The following NR5A2 variants were observed in gnomAD, a reference collection of about 807,000 sequenced individuals.
The protein encoded by NR5A2 is CYP7A promoter-binding factor.
A neutral mutation model predicts 62.7 loss-of-function variants in NR5A2; 26 were observed. The ratio of observed to expected loss-of-function variants is 0.41; its 90% CI spans 0.30 to 0.58. The LOEUF is 0.58. Ranked by LOEUF, NR5A2 falls within the 20% of genes least tolerant of loss-of-function variation. The pLI, the probability that NR5A2 is intolerant of heterozygous loss-of-function variation, is 0.22. For synonymous variants in NR5A2, 246 were observed against 241.7 expected (o/e 1.02, Z -0.16); for missense variants, 541 against 669.1 (o/e 0.81, Z 2.11).
At chr1:200,115,149 T>C (rs1159128192) in intron 6 of NR5A2, among the ~76,000 whole-genome samples, 1 of 152,240 alleles carries the variant, frequency 6.6e-6, no homozygotes, top group Non-Finnish European at 1.5e-5. Flanking sequence ...TTTAATGTGA[T>C]TGTTGCTTAG....
rs140408927 is a variant in NR5A2, at chr1:200,141,031, T to TAAAC, written c.1378+20096_1378+20099dup. 6.6e-5 allele frequency among the ~76,000 whole-genome samples: 10 copies of TAAAC among 151,260 alleles called. No individual in the cohort carries two copies. In the East Asian group the frequency reaches 7.8e-4, roughly 12 times the overall value. ...GGGCAACAAGAGATAACTCCATCTC[T>TAAAC]AAACAAACAAACAAACAAACAAAAC... On this transcript the variant is annotated intron_variant, in intron 7 of 7. Transcript: ENST00000367362.
Position 200,039,826 on chromosome 1 carries a change from C to A in NR5A2, c.202+31C>A. On this transcript the variant is annotated intron_variant, in intron 2 of 7. Coordinates refer to ENST00000367362, the MANE Select transcript of NR5A2 (RefSeq NM_205860.3). This position sits in a 1 kb window ranked among gnomAD's most constrained non-coding sequence, Gnocchi z 5.1. ...GAGGCGCCGCGCGGCGCTCCGGCTC[C>A]CGCTGCTTCCCCACCCCCGGGCTCG... 6.3e-7 allele frequency: 1 copy of A among 1,583,682 alleles called. No homozygotes were observed.
At chr1:200,104,245 CTAGGGCGTTTTACTGGCTCT>C (rs1049784259) in intron 5 of NR5A2, among the ~76,000 whole-genome samples, 1 of 152,188 alleles carries the variant, frequency 6.6e-6, no homozygotes, top group African/African-American at 2.4e-5. Context: ...CAACAATTGA[CTAGGGCGTTTTACTGGCTCT>C]TAGTTCTCTT....
chr1:200,062,701 G>T (rs114892534), intron 5 of NR5A2, among the ~76,000 whole-genome samples: 1 of 152,106 alleles, frequency 6.6e-6, no homozygotes, highest in Non-Finnish European at 1.5e-5. Context: ...AATGTAACTC[G>T]CAGAGCTGAT....
chr1:200,047,063 A>G (rs1171789143), intron 4 of NR5A2, among the ~76,000 whole-genome samples: 1 of 152,228 alleles, frequency 6.6e-6, no homozygotes, highest in African/African-American at 2.4e-5. Context: ...TCCAAGATAA[A>G]AAGCTCAAAA....
chr1:200,038,090 A>G (rs1661861021), intron 1 of NR5A2, among the ~76,000 whole-genome samples: 1 of 152,260 alleles, frequency 6.6e-6, no homozygotes, highest in African/African-American at 2.4e-5. Context: ...GGCTGGAAAG[A>G]ATGTTTTTCA....
At chr1:200,053,282 G>T (rs1006964873) in intron 5 of NR5A2, among the ~76,000 whole-genome samples, 1 of 152,034 alleles carries the variant, frequency 6.6e-6, no homozygotes, top group African/African-American at 2.4e-5. Flanking sequence ...CAAAATAATG[G>T]CTTGAGAAAG....
chr1:200,158,119 C>CA (rs1338976034), intron 7 of NR5A2, among the ~76,000 whole-genome samples: 4 of 152,272 alleles, frequency 2.6e-5, no homozygotes, highest in African/African-American at 9.6e-5. Context: ...AACTTGGCAA[C>CA]AAAAAGCTCA....
At chr1:200,059,518 G>A (rs983902204) in intron 5 of NR5A2, among the ~76,000 whole-genome samples, 1 of 152,140 alleles carries the variant, frequency 6.6e-6, no homozygotes, top group South Asian at 2.1e-4. Flanking sequence ...AGATCTTATG[G>A]AAAGGCTGCC....
chr1:200,173,110 G>A (rs1654257118), intron 7 of NR5A2, among the ~76,000 whole-genome samples: 1 of 152,082 alleles, frequency 6.6e-6, no homozygotes, highest in African/African-American at 2.4e-5. Flanking sequence ...TTTTATTCTG[G>A]CTTTCTCTCT....
intron 7 of NR5A2, among the ~76,000 whole-genome samples, chr1:200,151,482 GC>G (rs565139623): frequency 1.3e-5 from 2 of 152,310 alleles, no homozygotes; most frequent in African/African-American, 4.8e-5. Context: ...CAAGTAAAGA[GC>G]CCCCCGCTGC....
intron 5 of NR5A2, among the ~76,000 whole-genome samples, chr1:200,069,494 T>A (rs924336139): frequency 6.6e-6 from 1 of 152,134 alleles, no homozygotes; most frequent in Non-Finnish European, 1.5e-5. Flanking sequence ...CCTCAAATGA[T>A]CCACCCACCT....
intron 6 of NR5A2, among the ~76,000 whole-genome samples, chr1:200,111,556 A>C (rs1665958729): frequency 6.6e-6 from 1 of 152,172 alleles, no homozygotes; most frequent in Admixed American, 6.5e-5. Flanking sequence ...CTGGGACTGA[A>C]AGTCCTGCTT....
In NR5A2 at chr1:200,027,785, C is replaced by T; in HGVS notation, c.-63C>T. 3 of 1,240,772 alleles carry T rather than the reference C, an allele frequency of 2.4e-6. No homozygotes were observed. The South Asian group carries it at 4.1e-5, about 17-fold the overall frequency. The allele number at this position is 1,240,772 out of a possible 1,614,324, so 76.9% of individuals were successfully genotyped here. A position where few individuals can be genotyped will look rare whatever the true frequency, so the allele number is the denominator to read the frequency against. ...CAAGGCCACGAAATTTGACAAGCTG[C>T]ACTTTTCTTTTGCTCAATGATTTCT... is the stretch of plus-strand genomic sequence containing the variant. On this transcript the variant is annotated 5_prime_UTR_variant, in exon 1 of 8. Transcript: ENST00000367362.
intron 7 of NR5A2, among the ~76,000 whole-genome samples, chr1:200,130,870 GTTC>G (rs1292603196): frequency 6.6e-6 from 1 of 152,166 alleles, no homozygotes; most frequent in African/African-American, 2.4e-5. Context: ...TGGTTAAATT[GTTC>G]TTCATGAAGT....
intron 5 of NR5A2, among the ~76,000 whole-genome samples, chr1:200,086,356 T>A (rs1196276231): frequency 6.6e-6 from 1 of 152,012 alleles, no homozygotes; most frequent in Non-Finnish European, 1.5e-5. Context: ...CAGGCTGGAG[T>A]GCAGTGGCAC....
At chr1:200,142,361 G>C (rs755348635) in intron 7 of NR5A2, among the ~76,000 whole-genome samples, 17 of 151,214 alleles carry the variant, frequency 1.1e-4, no homozygotes, top group Non-Finnish European at 1.5e-5. Flanking sequence ...CACCACGCCC[G>C]GCTAATTTTT....
Position 200,177,407 on chromosome 1 carries a change from G to A in NR5A2, c.*3197G>A, listed in dbSNP as rs1201444008. The A allele has an allele frequency of 6.6e-6, 1 of 152,328 alleles. No homozygotes were observed. Among genetic ancestry groups the A allele is most frequent in the South Asian group, 2.1e-4 (1 of 4,818 alleles). The allele number at this position is 152,328 out of a possible 1,614,324, so 9.4% of individuals were successfully genotyped here. A position where few individuals can be genotyped will look rare whatever the true frequency, so the allele number is the denominator to read the frequency against. On this transcript the variant is annotated 3_prime_UTR_variant, in exon 8 of 8. Coordinates refer to ENST00000367362, the MANE Select transcript of NR5A2 (RefSeq NM_205860.3). Reference sequence around the variant, plus strand: ...ATTTCAATAAATATTGATATGCCCAGCCTGATAATTTTTAAAAGTTTTTAT... The same window carrying A: ...ATTTCAATAAATATTGATATGCCCAACCTGATAATTTTTAAAAGTTTTTAT...
chr1:200,068,623 ATC>A (rs1663607291), intron 5 of NR5A2, among the ~76,000 whole-genome samples: 1 of 152,104 alleles, frequency 6.6e-6, no homozygotes, highest in Non-Finnish European at 1.5e-5. Context: ...GACCACAAAA[ATC>A]TCTTTCTTTT....
Sources: allele counts gnomAD v4.1 joint callset (sites outside exome capture counted in the v4.1 genomes callset), GRCh38; gene constraint gnomAD v4.1.1; non-coding constraint Gnocchi (gnomAD v3.1); transcripts MANE v1.5; gene names NCBI Gene and HGNC (gene_info 2026-07-23, HGNC 2026-07-21).